LHFPL5: variants seen among roughly 807,000 people sequenced by gnomAD.
The protein encoded by LHFPL5 is LHFPL tetraspan subfamily member 5.
In LHFPL5, 12 loss-of-function variants were observed where a neutral mutation model predicts 18.7. The observed-to-expected ratio is 0.64, with a 90% CI of 0.41 to 1.04. The LOEUF (loss-of-function observed/expected upper bound fraction) is 1.04. Ranked by LOEUF, LHFPL5 falls within the 50% of genes least tolerant of loss-of-function variation. The probability of loss-of-function intolerance (pLI) is 0.00; values close to 1 mark genes in which losing one functional copy is unlikely to be tolerated. For missense variants in LHFPL5, 259 were observed against 292.1 expected (o/e 0.89, Z 0.83); for synonymous variants, 111 against 120.2 (o/e 0.92, Z 0.50).
Position 35,805,740 on chromosome 6 carries a change from G to C in LHFPL5, c.70G>C (p.Ala24Pro). Residue 24 changes from alanine (A) to proline (P), a missense_variant, in exon 1 of 4, where the codon GCC (alanine) becomes CCC (proline). Ala to Pro is a conservative substitution (Grantham distance 27, BLOSUM62 -1). Coordinates refer to ENST00000360215, the MANE Select transcript of LHFPL5 (RefSeq NM_182548.4). This position sits in a 1 kb window ranked among gnomAD's most constrained non-coding sequence, Gnocchi z 4.3. ...YHTNYVRNSRAVGVMWGTLTI... is the reference protein window; with the variant it reads ...YHTNYVRNSRPVGVMWGTLTI... ...TACCAACTATGTGCGGAACTCGCGA[G>C]CCGTGGGCGTGATGTGGGGTACCCT... is the stretch of plus-strand genomic sequence containing the variant. 1.2e-6 allele frequency: 2 copies of C among 1,614,234 alleles called. No homozygotes were observed. Among genetic ancestry groups the C allele is most frequent in the Non-Finnish European group, 1.7e-6 (2 of 1,180,046 alleles).
intron 3 of LHFPL5, among the ~76,000 whole-genome samples, chr6:35,821,972 T>C (rs566490655): frequency 6.8e-6 from 1 of 146,984 alleles, no homozygotes; most frequent in East Asian, 2.1e-4. Flanking sequence ...TTCCTGATGC[T>C]CAAGTCATCC....
chr6:35,817,399 C>T (rs772153477), intron 2 of LHFPL5, among the ~76,000 whole-genome samples: 5 of 151,850 alleles, frequency 3.3e-5, no homozygotes, highest in Non-Finnish European at 5.9e-5. Context: ...TCAAAAGACA[C>T]CATCAAGAAA....
At position 35,813,098 on chromosome 6, in the gene LHFPL5, A is replaced by G. The variant is rs906589209; in HGVS notation, c.413-1448A>G. Reference sequence around the variant, plus strand: ...GCTTAAGTTGCTTGCTCTGAGTCACATAGCTAGGTAGCAGAGAACTGGGTT... The same window carrying G: ...GCTTAAGTTGCTTGCTCTGAGTCACGTAGCTAGGTAGCAGAGAACTGGGTT... On this transcript the variant is annotated intron_variant, in intron 1 of 3. Transcript: ENST00000360215. Among the ~76,000 whole-genome samples, 26 of 152,266 alleles carry G rather than the reference A, an allele frequency of 1.7e-4. No individual in the cohort carries two copies. The East Asian group carries it at 3.3e-3, about 19-fold the overall frequency.
In LHFPL5 at chr6:35,821,857, ATTTTTTTTTTTTT is replaced by A. The variant is rs763639486; in HGVS notation, c.*17-1103_*17-1091del. ...AACTCCACAGCACTGGTGTACCACA[ATTTTTTTTTTTTT>A]TTTTTTTTTTTTTTTTTTTTTGAGA... On this transcript the variant is annotated intron_variant, in intron 3 of 3. Coordinates refer to ENST00000360215, the MANE Select transcript of LHFPL5 (RefSeq NM_182548.4). Among the ~76,000 whole-genome samples, 31 of 39,160 alleles carry A rather than the reference ATTTTTTTTTTTTT, an allele frequency of 7.9e-4. 2 individuals carry two copies. Among genetic ancestry groups the A allele is most frequent in the Admixed American group, 4.2e-3 (9 of 2,140 alleles). The allele number at this position is 39,160 out of a possible 152,430, so 25.7% of individuals were successfully genotyped here.
Position 35,823,396 on chromosome 6 carries a change from C to CACATATAT in LHFPL5, c.*434_*435insTATATACA, listed in dbSNP as rs1768905984. On this transcript the variant is annotated 3_prime_UTR_variant, in exon 4 of 4. Transcript: ENST00000360215. The stretch of plus-strand genomic sequence containing the variant: ...ACACACACACATATATATACACACA[C>CACATATAT]ACACACACACACACACACACACACA... 1 of 131,980 alleles carries CACATATAT rather than the reference C, an allele frequency of 7.6e-6. No homozygotes were observed. The highest frequency in any genetic ancestry group is 1.6e-5 in the Non-Finnish European group (1 of 62,574). 8.2% of individuals were successfully genotyped at this position (131,980 alleles called of 1,614,324 possible). A position where few individuals can be genotyped will look rare whatever the true frequency, so the allele number is the denominator to read the frequency against.
chr6:35,821,235 C>T (rs948497474), intron 3 of LHFPL5, among the ~76,000 whole-genome samples: 1 of 149,762 alleles, frequency 6.7e-6, no homozygotes, highest in East Asian at 2.0e-4. Context: ...ACCCAGGAGG[C>T]GGCGGTTGCC....
chr6:35,819,340 A>G (rs78587069), intron 2 of LHFPL5, 97 bp from the exon 3 acceptor site: 39,168 of 1,118,796 alleles, frequency 0.035, 888 homozygotes, highest in Middle Eastern at 0.089. Flanking sequence ...TGAGAGTAAG[A>G]GGAATCTGAT....
At chr6:35,818,338 TATATA>T (rs1768800146) in intron 2 of LHFPL5, among the ~76,000 whole-genome samples, 6 of 15,024 alleles carry the variant, frequency 4.0e-4, no homozygotes, top group African/African-American at 5.1e-4. Context: ...TATATATATA[TATATA>T]TATATGTATT....
In LHFPL5 at chr6:35,808,578, T is replaced by C. The variant is rs915531612; in HGVS notation, c.412+2496T>C. On this transcript the variant is annotated intron_variant, in intron 1 of 3. Transcript: ENST00000360215. Reference sequence around the variant, plus strand: ...TTCATTTTATACATATATATATATATATATATATATATATATATATATATA... The same window carrying C: ...TTCATTTTATACATATATATATATACATATATATATATATATATATATATA... 1.0e-3 allele frequency among the ~76,000 whole-genome samples: 118 copies of C among 113,056 alleles called. 2 individuals are homozygous for C. Among genetic ancestry groups the C allele is most frequent in the African/African-American group, 4.5e-3 (117 of 26,238 alleles). The allele number at this position is 113,056 out of a possible 152,430, so 74.2% of individuals were successfully genotyped here. A position where few individuals can be genotyped will look rare whatever the true frequency, so the allele number is the denominator to read the frequency against.
rs142679565 is a variant in LHFPL5, at chr6:35,818,083, G to T, written c.650-1354G>T. 2.8e-3 allele frequency among the ~76,000 whole-genome samples: 423 copies of T among 152,244 alleles called. 1 individual carries two copies. Among genetic ancestry groups the T allele is most frequent in the Middle Eastern group, 0.01 (3 of 294 alleles). ...CCATGTGGATGAACCTTGAAAACATGTTAAATGAAAGGAACCAGACACAAA... is the reference window on the plus strand; with the variant it reads ...CCATGTGGATGAACCTTGAAAACATTTTAAATGAAAGGAACCAGACACAAA... On this transcript the variant is annotated intron_variant, in intron 2 of 3. Transcript: ENST00000360215.
intron 1 of LHFPL5, among the ~76,000 whole-genome samples, chr6:35,808,564 C>CATATATATATAT (rs56343421): frequency 1.1e-5 from 1 of 87,268 alleles, no homozygotes; most frequent in Non-Finnish European, 2.3e-5. Context: ...TCATTTTATA[C>CATATATATATAT]ATATATATAT....
Position 35,814,831 on chromosome 6 carries a change from T to C in LHFPL5, c.649+49T>C. The C allele has an allele frequency of 6.5e-7, 1 of 1,536,790 alleles. No individual in the cohort carries two copies. Among genetic ancestry groups the C allele is most frequent in the Non-Finnish European group, 9.0e-7 (1 of 1,109,990 alleles). ...TGTCCCCTGCCTGGAGACCCTGGGA[T>C]GTGGGTGGGGGTTCATCTTAGCCAG... On this transcript the variant is annotated intron_variant, in intron 2 of 3. Transcript: ENST00000360215. This position sits in a 1 kb window ranked among gnomAD's most constrained non-coding sequence, Gnocchi z 4.2.
At chr6:35,819,627 G>T in intron 3 of LHFPL5, 164 bp downstream of exon 3, 1 of 703,844 alleles carries the variant, frequency 1.4e-6, no homozygotes, top group South Asian at 1.6e-5. Flanking sequence ...GGAGCTATTT[G>T]GCCTCTGAGA....
chr6:35,816,908 C>A (rs904387884), intron 2 of LHFPL5, among the ~76,000 whole-genome samples: 1 of 151,654 alleles, frequency 6.6e-6, no homozygotes, highest in Non-Finnish European at 1.5e-5. Flanking sequence ...AAAGAATAGT[C>A]TTTCCAACAA....
chr6:35,805,945 G>A lies in LHFPL5; in HGVS notation c.275G>A (p.Arg92Lys). ...CTAGACTTCTCCTCCATCCCCTCTA[G>A]AGCCTTCAAGACTGCCATGTTCTTT... ...GPLDFSSIPS[R>K]AFKTAMFFVA... The change falls in exon 1 of 4, where the codon AGA (arginine) becomes AAA (lysine). Residue 92 changes from arginine (R) to lysine (K), a missense_variant. Transcript: ENST00000360215. The surrounding 1 kb of genome is among the most constrained non-coding windows in gnomAD (Gnocchi z 4.3). The A allele has an allele frequency of 6.2e-7, 1 of 1,614,160 alleles. No homozygotes were observed. Among genetic ancestry groups the A allele is most frequent in the Non-Finnish European group, 8.5e-7 (1 of 1,180,012 alleles).
In LHFPL5 at chr6:35,818,320, CATAT is replaced by C. The variant is rs112710434; in HGVS notation, c.650-1092_650-1089del. Among the ~76,000 whole-genome samples the C allele has an allele frequency of 1.0e-2, 1,200 of 120,156 alleles. 31 individuals are homozygous for C. Among genetic ancestry groups the C allele is most frequent in the African/African-American group, 0.034 (1,044 of 30,884 alleles). The allele number at this position is 120,156 out of a possible 152,430, so 78.8% of individuals were successfully genotyped here. On this transcript the variant is annotated intron_variant, in intron 2 of 3. Coordinates refer to ENST00000360215, the MANE Select transcript of LHFPL5 (RefSeq NM_182548.4). ...ACAATCTAGTGAATATACTAAAAGCCATATATATATATATATATATATATATATG... is the reference window on the plus strand; with the variant it reads ...ACAATCTAGTGAATATACTAAAAGCCATATATATATATATATATATATATG...
intron 1 of LHFPL5, among the ~76,000 whole-genome samples, chr6:35,807,179 A>ATCCAGCACTTTGGGAGAGAGCATC (rs1768584260): frequency 6.6e-6 from 1 of 152,066 alleles, no homozygotes; most frequent in Non-Finnish European, 1.5e-5. Context: ...CACACCTGTA[A>ATCCAGCACTTTGGGAGAGAGCATC]TCCCAGCACT....
At chr6:35,821,772 TGCTCG>T (rs2151072527) in intron 3 of LHFPL5, among the ~76,000 whole-genome samples, 1 of 150,658 alleles carries the variant, frequency 6.6e-6, no homozygotes, top group African/African-American at 2.4e-5. Flanking sequence ...TGAGCCACCG[TGCTCG>T]GCTCCCTTTT....
In LHFPL5 at chr6:35,806,070, C is replaced by A; in HGVS notation, c.400C>A (p.Gln134Lys). 1 of 1,613,988 alleles carries A rather than the reference C, an allele frequency of 6.2e-7. No individual in the cohort carries two copies. The highest frequency in any genetic ancestry group is 8.5e-7 in the Non-Finnish European group (1 of 1,180,020). Residue 134 changes from glutamine (Q) to lysine (K), a missense_variant, in exon 1 of 4, where the codon CAG becomes AAG. Gln to Lys is a moderately conservative substitution (Grantham distance 53). Transcript: ENST00000360215. ...ATVYKICAWM[Q>K]LAAATGLMIG... ...AGTCTATAAGATCTGTGCATGGATG[C>A]AGCTGGCTGCGGGTAAGCAGAGATG...
Sources: allele counts gnomAD v4.1 joint callset (sites outside exome capture counted in the v4.1 genomes callset), GRCh38; gene constraint gnomAD v4.1.1; non-coding constraint Gnocchi (gnomAD v3.1); transcripts MANE v1.5; gene names NCBI Gene and HGNC (gene_info 2026-07-23, HGNC 2026-07-21).